GALNTL6: variants seen among roughly 807,000 people sequenced by gnomAD.
GALNTL6 encodes the protein polypeptide N-acetylgalactosaminyltransferase like 6.
A neutral mutation model predicts 73.7 loss-of-function variants in GALNTL6; 46 were observed. The ratio of observed to expected loss-of-function variants is 0.62; its 90% CI spans 0.49 to 0.80. The LOEUF is 0.80. GALNTL6 is among the 30% of genes least tolerant of loss of function. The pLI, the probability that GALNTL6 is intolerant of heterozygous loss-of-function variation, is 0.00. For missense variants in GALNTL6, 604 were observed against 755.0 expected (o/e 0.80, Z 2.34); for synonymous variants, 259 against 263.7 (o/e 0.98, Z 0.17).
At chr4:172,721,287 A>G (rs1735458437) in intron 5 of GALNTL6, among the ~76,000 whole-genome samples, 1 of 152,190 alleles carries the variant, frequency 6.6e-6, no homozygotes, top group East Asian at 1.9e-4. Flanking sequence ...TTGGAAACCA[A>G]ATACTTGGAA....
intron 3 of GALNTL6, chr4:172,266,148 A>G (rs1738443033): frequency 6.6e-6 from 1 of 152,132 alleles, no homozygotes; most frequent in Non-Finnish European, 1.5e-5. Flanking sequence ...TAGATTAAGA[A>G]CTAGGGAGAA....
intron 2 of GALNTL6, among the ~76,000 whole-genome samples, chr4:172,187,447 G>A (rs907596467): frequency 1.3e-5 from 2 of 151,886 alleles, no homozygotes; most frequent in African/African-American, 4.8e-5. Flanking sequence ...CTACCCTCTC[G>A]AGACAATCAA....
intron 2 of GALNTL6, among the ~76,000 whole-genome samples, chr4:171,853,194 GTC>G (rs757502732): frequency 6.6e-6 from 1 of 151,820 alleles, no homozygotes; most frequent in Non-Finnish European, 1.5e-5. Context: ...ACTCTTCTCT[GTC>G]TCTCTGTCAT....
intron 5 of GALNTL6, among the ~76,000 whole-genome samples, chr4:172,765,403 T>C (rs1738350556): frequency 6.6e-6 from 1 of 152,210 alleles, no homozygotes; most frequent in South Asian, 2.1e-4. Flanking sequence ...CCAAACACCC[T>C]ATAATCCATC....
Position 172,882,790 on chromosome 4 carries a change from G to T in GALNTL6, c.924G>T (p.Glu308Asp). ...LQRADPSDPF[E>D]SPVMAGGLFA... The stretch of plus-strand genomic sequence containing the variant: ...AAAGATTATTTTGTTCATTTCACAG[G>T]TCTCCTGTTATGGCTGGAGGTCTCT... The change falls in exon 8 of 13, where the codon GAG (glutamate) becomes GAT (aspartate). Residue 308 changes from glutamate (E) to aspartate (D), a missense_variant and splice_region_variant. By Grantham distance (45) the Glu-to-Asp change is conservative. Coordinates refer to ENST00000506823, the MANE Select transcript of GALNTL6 (RefSeq NM_001034845.3). 6.3e-7 allele frequency: 1 copy of T among 1,582,940 alleles called. No homozygotes were observed. The highest frequency in any genetic ancestry group is 1.1e-5 in the South Asian group (1 of 90,412).
intron 3 of GALNTL6, among the ~76,000 whole-genome samples, chr4:172,232,522 G>A (rs1057240149): frequency 5.9e-5 from 9 of 151,460 alleles, no homozygotes; most frequent in Non-Finnish European, 1.2e-4. Context: ...ATGGTTCTGG[G>A]GTAGGGACAA....
chr4:172,005,600 A>G (rs1004728812), intron 2 of GALNTL6, among the ~76,000 whole-genome samples: 1 of 152,186 alleles, frequency 6.6e-6, no homozygotes, highest in Non-Finnish European at 1.5e-5. Context: ...ATATATCTAC[A>G]TATATGTATG....
chr4:172,080,392 G>A (rs1032306735), intron 2 of GALNTL6, among the ~76,000 whole-genome samples: 3 of 151,868 alleles, frequency 2.0e-5, no homozygotes, highest in African/African-American at 2.4e-5. Flanking sequence ...TATATTTCCC[G>A]GGTCCACAAC....
Position 172,977,215 on chromosome 4 carries a change from C to A in GALNTL6, c.1371+24957C>A, listed in dbSNP as rs571345552. On this transcript the variant is annotated intron_variant, in intron 10 of 12. Transcript: ENST00000506823. The stretch of plus-strand genomic sequence containing the variant: ...CAGTGGGTTTGTTTGCCAGAAAGAA[C>A]AACACTCTGGGTCTATTGATGGAAG... Among the ~76,000 whole-genome samples the A allele has an allele frequency of 3.9e-4, 59 of 152,310 alleles. No individual in the cohort carries two copies. In the South Asian group the frequency reaches 9.9e-3, roughly 26 times the overall value.
At chr4:171,867,190 G>A (rs534090983) in intron 2 of GALNTL6, among the ~76,000 whole-genome samples, 68 of 152,186 alleles carry the variant, frequency 4.5e-4, no homozygotes, top group African/African-American at 1.4e-3. Context: ...CATTTTGAGA[G>A]GCAACATTTT....
At chr4:172,654,604 C>G (rs1329445010) in intron 5 of GALNTL6, among the ~76,000 whole-genome samples, 1 of 152,176 alleles carries the variant, frequency 6.6e-6, no homozygotes, top group East Asian at 1.9e-4. Context: ...CTCGGGCAAT[C>G]TGGAAATAAA....
At chr4:172,913,474 A>C (rs1656174353) in intron 8 of GALNTL6, among the ~76,000 whole-genome samples, 1 of 152,206 alleles carries the variant, frequency 6.6e-6, no homozygotes, top group Non-Finnish European at 1.5e-5. Flanking sequence ...AGCCCATTGC[A>C]AGGAAGCTAA....
chr4:172,229,906 C>A, intron 3 of GALNTL6, 142 bp downstream of exon 3: 1 of 571,416 alleles, frequency 1.8e-6, no homozygotes, highest in Non-Finnish European at 3.1e-6. Flanking sequence ...CTGGACAGAA[C>A]CTAAATGACT....
intron 5 of GALNTL6, among the ~76,000 whole-genome samples, chr4:172,610,221 T>C (rs1251125487): frequency 6.6e-6 from 1 of 152,108 alleles, no homozygotes; most frequent in African/African-American, 2.4e-5. Flanking sequence ...ATTTCTTGTC[T>C]TCTGCTAGCT....
chr4:171,903,628 G>C (rs1737179589), intron 2 of GALNTL6, among the ~76,000 whole-genome samples: 1 of 140,980 alleles, frequency 7.1e-6, no homozygotes, highest in African/African-American at 3.0e-5. Context: ...AGCTCAAACT[G>C]GGTGGAGCCC....
At chr4:172,470,060 G>C (rs1436857107) in intron 5 of GALNTL6, among the ~76,000 whole-genome samples, 2 of 152,296 alleles carry the variant, frequency 1.3e-5, no homozygotes, top group East Asian at 3.9e-4. Context: ...TTAAAGAACT[G>C]TAAAGTTGTA....
intron 5 of GALNTL6, among the ~76,000 whole-genome samples, chr4:172,800,547 G>C (rs1740580164): frequency 6.6e-6 from 1 of 152,108 alleles, no homozygotes; most frequent in African/African-American, 2.4e-5. Context: ...GTGTAATGCT[G>C]ATGGTAAGAT....
chr4:172,887,536 T>TTTTATTTA (rs56097389), intron 8 of GALNTL6, among the ~76,000 whole-genome samples: 12,618 of 143,244 alleles, frequency 0.088, 596 homozygotes, highest in East Asian at 0.13. Flanking sequence ...TATTTTAACC[T>TTTTATTTA]TTTATTTATT....
At chr4:171,822,371 G>GCCTCATC (rs963123067) in intron 2 of GALNTL6, among the ~76,000 whole-genome samples, 1 of 152,126 alleles carries the variant, frequency 6.6e-6, no homozygotes, top group Non-Finnish European at 1.5e-5. Flanking sequence ...TTGTAGGTGG[G>GCCTCATC]CCTCATCCCT....
Sources: gnomAD v4.1 joint callset for allele counts (sites outside exome capture counted in the v4.1 genomes callset) on GRCh38, gnomAD v4.1.1 for gene constraint, MANE v1.5 for transcripts, NCBI Gene and HGNC (gene_info 2026-07-23, HGNC 2026-07-21) for gene names.